PDE4B: variants seen among roughly 807,000 people sequenced by gnomAD.
PDE4B encodes the protein phosphodiesterase 4B, also known as 3',5'-cyclic-AMP phosphodiesterase 4B.
Under a neutral mutation model 82.2 loss-of-function variants are expected in PDE4B, and 20 were observed. The observed-to-expected ratio is 0.24, with a 90% CI of 0.17 to 0.35. The LOEUF (loss-of-function observed/expected upper bound fraction) is 0.35, where lower values mean the gene tolerates loss of function less well. Among genes scored for constraint, PDE4B ranks in the 10% least tolerant of loss-of-function variants. The probability of loss-of-function intolerance (pLI) is 1.00; values close to 1 mark genes in which losing one functional copy is unlikely to be tolerated. For synonymous variants in PDE4B, 320 were observed against 318.9 expected (o/e 1.00, Z -0.04); for missense variants, 655 against 907.2 (o/e 0.72, Z 3.57).
chr1:66,040,771 A>G (rs899469018), intron 3 of PDE4B, among the ~76,000 whole-genome samples: 1 of 151,948 alleles, frequency 6.6e-6, no homozygotes, highest in African/African-American at 2.4e-5. Context: ...AAGTATTTGC[A>G]ATTTGGTATC....
chr1:66,231,014 A>G (rs1405766012), intron 3 of PDE4B, among the ~76,000 whole-genome samples: 1 of 150,136 alleles, frequency 6.7e-6, no homozygotes, highest in South Asian at 2.1e-4. Flanking sequence ...AGCCTGGGTG[A>G]CAGAGCGAGA....
At chr1:65,934,504 G>GA (rs1341000721) in intron 3 of PDE4B, among the ~76,000 whole-genome samples, 1 of 152,100 alleles carries the variant, frequency 6.6e-6, no homozygotes, top group African/African-American at 2.4e-5. Flanking sequence ...AGACAACAAT[G>GA]AACAAAATGG....
intron 7 of PDE4B, among the ~76,000 whole-genome samples, chr1:66,274,785 C>A (rs1205396539): frequency 6.6e-6 from 1 of 152,194 alleles, no homozygotes; most frequent in Non-Finnish European, 1.5e-5. Context: ...AGATAGTACT[C>A]AGCACATAGC....
chr1:66,290,894 A>T lies in PDE4B; in HGVS notation c.634+24807A>T, dbSNP rs926915817. On this transcript the variant is annotated intron_variant, in intron 7 of 16. Coordinates refer to ENST00000341517, the MANE Select transcript of PDE4B (RefSeq NM_002600.4). ...TGAACTACAACCACTCATCAGAAGG[A>T]TGAAGAAATTGATGGCTGACTTTAA... Among the ~76,000 whole-genome samples the T allele has an allele frequency of 2.0e-4, 30 of 152,116 alleles. 1 individual carries two copies. The highest frequency in any genetic ancestry group is 6.5e-4 in the African/African-American group (27 of 41,414).
At chr1:66,121,826 G>C (rs1301627037) in intron 3 of PDE4B, among the ~76,000 whole-genome samples, 3 of 152,130 alleles carry the variant, frequency 2.0e-5, no homozygotes, top group Non-Finnish European at 2.9e-5. Context: ...CAACTTATTA[G>C]CTGTTCATTG....
intron 3 of PDE4B, among the ~76,000 whole-genome samples, chr1:66,046,773 A>G (rs1654739376): frequency 1.3e-5 from 2 of 151,884 alleles, no homozygotes; most frequent in Non-Finnish European, 2.9e-5. Context: ...AGAAATGTGT[A>G]ACATTGCTTC....
Position 66,257,579 on chromosome 1 carries a change from T to G in PDE4B, c.477-68T>G. On this transcript the variant is annotated intron_variant, in intron 4 of 16. Transcript: ENST00000341517. ...TGTTAACACTGATAAAATTTAATAT[T>G]ATAGCTTATATGTCACAGTTATAAT... The G allele has an allele frequency of 6.8e-6, 9 of 1,326,318 alleles. No individual in the cohort carries two copies. The South Asian group carries it at 1.1e-4, about 16-fold the overall frequency. 82.2% of individuals were successfully genotyped at this position (1,326,318 alleles called of 1,614,324 possible). A position where few individuals can be genotyped will look rare whatever the true frequency, so the allele number is the denominator to read the frequency against.
chr1:66,164,755 C>CTTTTTTTTTTTTTTTTTTTTTT (rs145224852), intron 3 of PDE4B, among the ~76,000 whole-genome samples: 2 of 87,872 alleles, frequency 2.3e-5, no homozygotes, highest in African/African-American at 4.8e-5. Flanking sequence ...CTTTTCTTTT[C>CTTTTTTTTTTTTTTTTTTTTTT]TTTTTTTTTT....
chr1:66,061,549 G>A (rs12037891), intron 3 of PDE4B, among the ~76,000 whole-genome samples: 12,239 of 151,962 alleles, frequency 0.081, 910 homozygotes, highest in East Asian at 0.26. Context: ...TTTTTCTTTT[G>A]TTTCAAGACT....
At chr1:66,283,898 A>T (rs1432340420) in intron 7 of PDE4B, among the ~76,000 whole-genome samples, 2 of 152,150 alleles carry the variant, frequency 1.3e-5, no homozygotes, top group Non-Finnish European at 2.9e-5. Flanking sequence ...AGAAAGAGAG[A>T]GAGAGAGATT....
intron 3 of PDE4B, among the ~76,000 whole-genome samples, chr1:65,950,670 G>C (rs981768733): frequency 3.3e-5 from 5 of 152,074 alleles, no homozygotes; most frequent in African/African-American, 1.2e-4. Flanking sequence ...CCCATGCCAG[G>C]AGGTCATTGG....
At chr1:66,278,465 G>C (rs1656053409) in intron 7 of PDE4B, among the ~76,000 whole-genome samples, 1 of 152,208 alleles carries the variant, frequency 6.6e-6, no homozygotes, top group Non-Finnish European at 1.5e-5. Context: ...TGGGCTATGT[G>C]ACTATCTCTC....
intron 3 of PDE4B, among the ~76,000 whole-genome samples, chr1:66,079,141 C>T (rs1656588059): frequency 6.6e-6 from 1 of 150,950 alleles, no homozygotes; most frequent in African/African-American, 2.4e-5. Context: ...CTCACTGTCT[C>T]GGTTTCTGTC....
At chr1:66,077,072 C>T (rs1032841425) in intron 3 of PDE4B, among the ~76,000 whole-genome samples, 6 of 151,854 alleles carry the variant, frequency 4.0e-5, no homozygotes, top group African/African-American at 7.3e-5. Context: ...GAGGACTTAG[C>T]GTAAATTCTT....
intron 3 of PDE4B, chr1:66,042,836 A>T (rs778494717): frequency 3.3e-5 from 5 of 151,964 alleles, no homozygotes; most frequent in East Asian, 3.9e-4. Flanking sequence ...TTACTTAAAA[A>T]TTTTTGACTC....
At chr1:66,120,903 C>G (rs530906394) in intron 3 of PDE4B, among the ~76,000 whole-genome samples, 1 of 152,292 alleles carries the variant, frequency 6.6e-6, no homozygotes, top group South Asian at 2.1e-4. Context: ...GAATTTAAGT[C>G]ATTTTATATG....
At chr1:66,159,021 A>G (rs1646556963) in intron 3 of PDE4B, among the ~76,000 whole-genome samples, 2 of 152,216 alleles carry the variant, frequency 1.3e-5, no homozygotes, top group Admixed American at 1.3e-4. Flanking sequence ...CTGATGTTCT[A>G]TTACACAATA....
rs1006039540 is a variant in PDE4B, at chr1:65,978,110, G to T, written c.281+59275G>T. On this transcript the variant is annotated intron_variant, in intron 3 of 16. Transcript: ENST00000341517. ...TGGTGCGGTCTCAGCTCACTGCAACGTCCGCCTCCCAGGTTCAAGTGATTC... is the reference window on the plus strand; with the variant it reads ...TGGTGCGGTCTCAGCTCACTGCAACTTCCGCCTCCCAGGTTCAAGTGATTC... Among the ~76,000 whole-genome samples, 7 of 142,532 alleles carry T rather than the reference G, an allele frequency of 4.9e-5. No homozygotes were observed. The East Asian group carries it at 1.4e-3, about 29-fold the overall frequency. 93.5% of individuals were successfully genotyped at this position (142,532 alleles called of 152,430 possible). A position where few individuals can be genotyped will look rare whatever the true frequency, so the allele number is the denominator to read the frequency against.
chr1:66,272,399 C>T (rs1426348063), intron 7 of PDE4B, among the ~76,000 whole-genome samples: 1 of 152,158 alleles, frequency 6.6e-6, no homozygotes, highest in Admixed American at 6.5e-5. Context: ...AGTCCTGTAC[C>T]TTCACTCCCT....
Sources: allele counts gnomAD v4.1 joint callset (sites outside exome capture counted in the v4.1 genomes callset), GRCh38; gene constraint gnomAD v4.1.1; transcripts MANE v1.5; gene names NCBI Gene and HGNC (gene_info 2026-07-23, HGNC 2026-07-21).